Variants in DPH6 observed in about 807,000 individuals in gnomAD.
DPH6 encodes the protein diphthamine biosynthesis 6, also known as diphthine--ammonia ligase.
DPH6 carries 33 observed loss-of-function variants against 38.2 expected under a neutral mutation model. The observed-to-expected ratio is 0.86, with a 90% confidence interval of 0.65 to 1.15. The LOEUF is 1.15. Ranked by LOEUF, DPH6 falls within the 50% of genes most tolerant of loss-of-function variation. The pLI is 0.00. For missense variants in DPH6, 325 were observed against 320.0 expected, an observed-to-expected ratio of 1.02 and a Z score of -0.12; for synonymous variants, 108 against 103.0, an observed-to-expected ratio of 1.05 and a Z score of -0.30.
rs1327888815 is a variant in DPH6 at position 35,242,764 on chromosome 15, C to T, written n.201-22182G>A. ...CAGCCCATTTGAGCTCCTGTATAGACGCTCCTTTTTATTAGGCCCCAGTCT... is the reference window on the plus strand; with the variant it reads ...CAGCCCATTTGAGCTCCTGTATAGATGCTCCTTTTTATTAGGCCCCAGTCT... On this transcript the variant is annotated intron_variant and non_coding_transcript_variant, in intron 3 of 3. Coordinates refer to the DPH6 transcript ENST00000560386. 3.5e-5 allele frequency among the ~76,000 whole-genome samples: 5 copies of T among 142,516 alleles called. 2 individuals carry two copies. The highest frequency in any genetic ancestry group is 4.4e-4 in the East Asian group (2 of 4,520). The allele number at this position is 142,516 out of a possible 152,430, so 93.5% of individuals were successfully genotyped here.
chr15:35,159,943 G>A, the DPH6 span, among the ~76,000 whole-genome samples: 1 of 151,888 alleles, frequency 6.6e-6, no homozygotes, highest in African/African-American at 2.4e-5. Context: ...GCAAACTAAT[G>A]TAGAAACAGA....
the DPH6 span, among the ~76,000 whole-genome samples, chr15:35,161,553 T>G: frequency 1.1e-4 from 16 of 152,100 alleles, 1 homozygote; most frequent in Admixed American, 8.5e-4. Context: ...GTTGAAACGC[T>G]AATCTCCAAT....
intron 3 of DPH6, among the ~76,000 whole-genome samples, chr15:35,455,247 T>C (rs1032590364): frequency 3.9e-5 from 6 of 152,168 alleles, no homozygotes; most frequent in Non-Finnish European, 7.4e-5. Context: ...ATAATTTTTC[T>C]GTAAATCTTA....
At chr15:35,400,983 G>A (rs547969604) in intron 6 of DPH6, 1 of 966,774 alleles carries the variant, frequency 1.0e-6, no homozygotes, top group African/African-American at 1.6e-5. Context: ...AAGACCAGGT[G>A]CCCACTCAAC....
intron 3 of DPH6, among the ~76,000 whole-genome samples, chr15:35,310,199 G>A (rs2052129009): frequency 6.6e-6 from 1 of 152,134 alleles, no homozygotes; most frequent in Non-Finnish European, 1.5e-5. Flanking sequence ...GGGACAGTGG[G>A]ATTCATTTCA....
At chr15:35,494,786 T>A (rs77033931) in intron 3 of DPH6, among the ~76,000 whole-genome samples, 9,884 of 151,486 alleles carry the variant, frequency 0.065, 360 homozygotes, top group Middle Eastern at 0.099. Flanking sequence ...CACTCATGAT[T>A]TTTTTTTTAA....
chr15:35,293,337 G>A (rs972813438), intron 3 of DPH6, among the ~76,000 whole-genome samples: 6 of 152,132 alleles, frequency 3.9e-5, no homozygotes, highest in African/African-American at 7.2e-5. Flanking sequence ...GACCTAAACC[G>A]GAACTATTTT....
At chr15:35,515,904 C>T (rs2054840115) in intron 3 of DPH6, among the ~76,000 whole-genome samples, 1 of 151,890 alleles carries the variant, frequency 6.6e-6, no homozygotes, top group African/African-American at 2.4e-5. Flanking sequence ...TTTTCTCATA[C>T]AAACTTTTTA....
In DPH6 at chr15:35,320,438, C is replaced by T. The variant is rs143106580; in HGVS notation, n.200+53083G>A. ...GGCCCATAAGTCAGGGGAGACTCTACGCAATCAAAGGCTCCTTTGGGAATC... is the reference window on the plus strand; with the variant it reads ...GGCCCATAAGTCAGGGGAGACTCTATGCAATCAAAGGCTCCTTTGGGAATC... On this transcript the variant is annotated intron_variant and non_coding_transcript_variant, in intron 3 of 3. Coordinates refer to the DPH6 transcript ENST00000560386. Among the ~76,000 whole-genome samples the T allele has an allele frequency of 5.5e-3, 830 of 152,196 alleles. 9 individuals carry two copies. The highest frequency in any genetic ancestry group is 0.018 in the African/African-American group (762 of 41,520).
intron 3 of DPH6, among the ~76,000 whole-genome samples, chr15:35,317,585 C>A (rs2052203260): frequency 1.6e-5 from 2 of 121,908 alleles, no homozygotes; most frequent in African/African-American, 4.5e-5. Flanking sequence ...ATGAGTTCTG[C>A]TGGACAAAAA....
intron 3 of DPH6, among the ~76,000 whole-genome samples, chr15:35,333,782 G>A (rs1046966136): frequency 6.6e-6 from 1 of 151,994 alleles, no homozygotes; most frequent in Admixed American, 6.6e-5. Context: ...GAGTATATAT[G>A]TGAAGGAATA....
downstream of DPH6, among the ~76,000 whole-genome samples, chr15:35,212,591 T>C (rs1207462611): frequency 2.0e-5 from 3 of 152,184 alleles, no homozygotes; most frequent in East Asian, 1.9e-4. Context: ...AGTGCACCCA[T>C]AGAGATATAG....
intron 3 of DPH6, among the ~76,000 whole-genome samples, chr15:35,236,379 C>T (rs1461562722): frequency 6.6e-6 from 1 of 152,200 alleles, no homozygotes; most frequent in African/African-American, 2.4e-5. Context: ...TGGCTCACGC[C>T]TGTAATCCCA....
At chr15:35,503,747 C>G (rs2054657469) in intron 3 of DPH6, among the ~76,000 whole-genome samples, 1 of 152,058 alleles carries the variant, frequency 6.6e-6, no homozygotes, top group South Asian at 2.1e-4. Flanking sequence ...GACAAGAATA[C>G]TAAATTGACT....
chr15:35,485,816 G>A (rs1025278748), intron 3 of DPH6, among the ~76,000 whole-genome samples: 3 of 152,190 alleles, frequency 2.0e-5, no homozygotes, highest in African/African-American at 7.2e-5. Context: ...ATGGTGATAT[G>A]ATGAGTATGC....
intron 6 of DPH6, among the ~76,000 whole-genome samples, chr15:35,402,768 T>C (rs1169951825): frequency 6.6e-6 from 1 of 151,996 alleles, no homozygotes; most frequent in East Asian, 1.9e-4. Flanking sequence ...ACCCAGAAAT[T>C]ATATTCCTAG....
intron 3 of DPH6, among the ~76,000 whole-genome samples, chr15:35,461,031 C>T (rs2054060564): frequency 6.6e-6 from 1 of 151,792 alleles, no homozygotes; most frequent in Non-Finnish European, 1.5e-5. Flanking sequence ...TTTAAGAATC[C>T]AAGAGCTGAA....
At chr15:35,450,268 T>TA (rs35225446) in intron 5 of DPH6, among the ~76,000 whole-genome samples, 1 of 151,974 alleles carries the variant, frequency 6.6e-6, no homozygotes, top group East Asian at 1.9e-4. Context: ...CAAAATATGC[T>TA]AAAAAATACA....
At chr15:35,401,688 T>A (rs554573503) in intron 6 of DPH6, 30 of 742,452 alleles carry the variant, frequency 4.0e-5, no homozygotes, top group Non-Finnish European at 5.9e-5. Flanking sequence ...TGGAGGCCAA[T>A]ACTTTGCCAA....
Sources: allele counts gnomAD v4.1 joint callset (sites outside exome capture counted in the v4.1 genomes callset), GRCh38; gene constraint gnomAD v4.1.1; transcripts MANE v1.5; gene names NCBI Gene and HGNC (gene_info 2026-07-23, HGNC 2026-07-21).